ARHGAP32: variants seen among roughly 807,000 people sequenced by gnomAD.
The protein encoded by ARHGAP32 is rho GTPase-activating protein 32.
ARHGAP32 carries 51 observed loss-of-function variants against 186.5 expected under a neutral mutation model. The ratio of observed to expected loss-of-function variants is 0.27; its 90% CI spans 0.22 to 0.35. The LOEUF is 0.35. Ranked by LOEUF, ARHGAP32 falls within the 10% of genes least tolerant of loss-of-function variation. The probability of loss-of-function intolerance (pLI) is 1.00; values close to 1 mark genes in which losing one functional copy is unlikely to be tolerated. For synonymous variants in ARHGAP32, 950 were observed against 964.3 expected (o/e 0.99, Z 0.27); for missense variants, 2,186 against 2,623.5 (o/e 0.83, Z 3.64).
In ARHGAP32 at chr11:129,107,365, A is replaced by G. The variant is rs536757194; in HGVS notation, c.445-13658T>C. 9.2e-5 allele frequency among the ~76,000 whole-genome samples: 14 copies of G among 152,358 alleles called. No homozygotes were observed. The South Asian group carries it at 1.2e-3, about 14-fold the overall frequency. ...AAAAGGACACTAGACAGTAACTTGT[A>G]GCCATATGAAAATAAAAAGATCTCC... On this transcript the variant is annotated intron_variant, in intron 5 of 22. Coordinates refer to ENST00000682385, the MANE Select transcript of ARHGAP32 (RefSeq NM_001378024.1).
At chr11:128,997,850 C>T (rs1437101074) in intron 12 of ARHGAP32, among the ~76,000 whole-genome samples, 2 of 152,154 alleles carry the variant, frequency 1.3e-5, no homozygotes, top group Non-Finnish European at 2.9e-5. Flanking sequence ...GCTATGATCA[C>T]GCCACTGCAC....
chr11:128,996,808 G>A (rs500400), intron 12 of ARHGAP32, among the ~76,000 whole-genome samples: 1 of 151,720 alleles, frequency 6.6e-6, no homozygotes, highest in African/African-American at 2.4e-5. Flanking sequence ...TGGAGACAAG[G>A]TCTTGCTCCG....
rs775621067 is a variant in ARHGAP32, at chr11:128,965,726, A to C, written c.*3181T>G. On this transcript the variant is annotated 3_prime_UTR_variant, in exon 23 of 23. Transcript: ENST00000682385. ...CATTCTGCTCAAGCAGTACTTTGCC[A>C]ACATCCTAAATGGGTGACTGACAGG... 16 of 152,234 alleles carry C rather than the reference A, an allele frequency of 1.1e-4. No individual in the cohort carries two copies. Among genetic ancestry groups the C allele is most frequent in the Non-Finnish European group, 2.1e-4 (14 of 68,046 alleles). 9.4% of individuals were successfully genotyped at this position (152,234 alleles called of 1,614,324 possible).
intron 11 of ARHGAP32, among the ~76,000 whole-genome samples, chr11:129,027,664 T>C (rs1938920760): frequency 6.6e-6 from 1 of 152,162 alleles, no homozygotes; most frequent in Admixed American, 6.6e-5. Flanking sequence ...TAATGAGCCA[T>C]TCCCGGACCA....
chr11:129,128,916 G>A (rs996521340), intron 2 of ARHGAP32, among the ~76,000 whole-genome samples: 12 of 152,284 alleles, frequency 7.9e-5, no homozygotes, highest in African/African-American at 2.2e-4. Context: ...GTGCAGTGGC[G>A]TGATCTCGGC....
rs180844684 is a variant in ARHGAP32, at chr11:129,006,660, C to T, written c.1046-8192G>A. On this transcript the variant is annotated intron_variant, in intron 11 of 22. Transcript: ENST00000682385. ...ACCCCTGTGGCCACCACCACTGGGACGGCACTGGGTCAAACCCAAAGCCAG... is the reference window on the plus strand; with the variant it reads ...ACCCCTGTGGCCACCACCACTGGGATGGCACTGGGTCAAACCCAAAGCCAG... 7.2e-5 allele frequency among the ~76,000 whole-genome samples: 11 copies of T among 152,188 alleles called. No homozygotes were observed. The South Asian group carries it at 8.3e-4, about 11-fold the overall frequency.
At chr11:129,229,495 AAG>A (rs1944830592) in intron 1 of ARHGAP32, among the ~76,000 whole-genome samples, 1 of 152,124 alleles carries the variant, frequency 6.6e-6, no homozygotes, top group African/African-American at 2.4e-5. Flanking sequence ...CCAATTATCA[AAG>A]AGCTAATTCA....
At position 129,123,343 on chromosome 11, in the gene ARHGAP32, C is replaced by A; in HGVS notation, c.444+103G>T. 2.1e-6 allele frequency: 2 copies of A among 944,610 alleles called. No homozygotes were observed. The highest frequency in any genetic ancestry group is 2.8e-5 in the East Asian group (1 of 35,784). The allele number at this position is 944,610 out of a possible 1,614,324, so 58.5% of individuals were successfully genotyped here. A position where few individuals can be genotyped will look rare whatever the true frequency, so the allele number is the denominator to read the frequency against. Reference sequence around the variant, plus strand: ...AAGACATCAATTAAAAAAAAAACTACTTCAAAGTGTCATCTATTAGATACA... The same window carrying A: ...AAGACATCAATTAAAAAAAAAACTAATTCAAAGTGTCATCTATTAGATACA... On this transcript the variant is annotated intron_variant, in intron 5 of 22. Transcript: ENST00000682385. The surrounding 1 kb of genome is among the most constrained non-coding windows in gnomAD (Gnocchi z 4.6).
At chr11:129,268,232 T>A (rs1435216370) in intron 1 of ARHGAP32, among the ~76,000 whole-genome samples, 4 of 151,838 alleles carry the variant, frequency 2.6e-5, no homozygotes, top group Admixed American at 6.6e-5. Flanking sequence ...AAAAGACTGG[T>A]GGGAAGATAA....
At chr11:129,229,028 G>C (rs1944822824) in intron 1 of ARHGAP32, among the ~76,000 whole-genome samples, 1 of 152,096 alleles carries the variant, frequency 6.6e-6, no homozygotes, top group Non-Finnish European at 1.5e-5. Context: ...CGCAGAACAA[G>C]GGGAAAAAAG....
intron 1 of ARHGAP32, among the ~76,000 whole-genome samples, chr11:129,214,091 C>A (rs1426503948): frequency 6.6e-6 from 1 of 151,744 alleles, no homozygotes; most frequent in African/African-American, 2.4e-5. Context: ...CAGTACTAGT[C>A]AAAATCGTAA....
chr11:129,123,621 T>G lies in ARHGAP32; in HGVS notation c.360-91A>C. 4 of 1,179,106 alleles carry G rather than the reference T, an allele frequency of 3.4e-6. No homozygotes were observed. The South Asian group carries it at 5.4e-5, about 16-fold the overall frequency. The allele number at this position is 1,179,106 out of a possible 1,614,324, so 73.0% of individuals were successfully genotyped here. A position where few individuals can be genotyped will look rare whatever the true frequency, so the allele number is the denominator to read the frequency against. ...AAAATACAGTGGATTTAAGAGCTCA[T>G]GCAAGCAAAAATATTTCGTAAGCAC... On this transcript the variant is annotated intron_variant, in intron 4 of 22. Transcript: ENST00000682385. This position sits in a 1 kb window ranked among gnomAD's most constrained non-coding sequence, Gnocchi z 4.6.
At chr11:129,141,272 A>C (rs1477077835) in intron 2 of ARHGAP32, among the ~76,000 whole-genome samples, 1 of 151,304 alleles carries the variant, frequency 6.6e-6, no homozygotes, top group East Asian at 1.9e-4. Context: ...TGTTCTGTTA[A>C]AAAACTCTCA....
intron 10 of ARHGAP32, among the ~76,000 whole-genome samples, chr11:129,058,249 TA>T (rs1486057052): frequency 2.6e-5 from 4 of 151,360 alleles, no homozygotes; most frequent in African/African-American, 9.7e-5. Flanking sequence ...TATATATATA[TA>T]TATCTCATAT....
chr11:129,162,774 T>C (rs1198982240), intron 2 of ARHGAP32, among the ~76,000 whole-genome samples: 1 of 152,178 alleles, frequency 6.6e-6, no homozygotes, highest in African/African-American at 2.4e-5. Flanking sequence ...ATAGCTTATA[T>C]ATAAGAAACA....
At chr11:129,179,012 C>A (rs1260099768) in intron 1 of ARHGAP32, among the ~76,000 whole-genome samples, 2 of 151,416 alleles carry the variant, frequency 1.3e-5, no homozygotes, top group African/African-American at 4.9e-5. Context: ...AGGCAACCTA[C>A]AAAATGGGAG....
At chr11:129,232,049 A>AG (rs1491049886) in intron 1 of ARHGAP32, among the ~76,000 whole-genome samples, 3 of 141,064 alleles carry the variant, frequency 2.1e-5, no homozygotes, top group East Asian at 2.1e-4. Context: ...AAAAAAAAAA[A>AG]AGAGACTGCA....
In ARHGAP32 at chr11:129,123,710, T is replaced by C. The variant is rs1942589838; in HGVS notation, c.359+178A>G. ...AAAATACACTGAGTCAGATGAGTAT[T>C]ACATTTAGTGTACAGATCAAAACCC... On this transcript the variant is annotated intron_variant, in intron 4 of 22. Transcript: ENST00000682385. The surrounding 1 kb of genome is among the most constrained non-coding windows in gnomAD (Gnocchi z 4.6). 2.0e-5 allele frequency among the ~76,000 whole-genome samples: 3 copies of C among 152,144 alleles called. No individual in the cohort carries two copies. Among genetic ancestry groups the C allele is most frequent in the African/African-American group, 7.2e-5 (3 of 41,436 alleles).
intron 10 of ARHGAP32, among the ~76,000 whole-genome samples, chr11:129,057,460 A>T (rs1251817782): frequency 6.6e-6 from 1 of 152,068 alleles, no homozygotes; most frequent in Non-Finnish European, 1.5e-5. Flanking sequence ...ACTGGTTGAC[A>T]TCTATTATGG....
Sources: gnomAD v4.1 joint callset for allele counts (sites outside exome capture counted in the v4.1 genomes callset) on GRCh38, gnomAD v4.1.1 for gene constraint, Gnocchi (gnomAD v3.1) non-coding constraint, MANE v1.5 for transcripts, NCBI Gene and HGNC (gene_info 2026-07-23, HGNC 2026-07-21) for gene names.